The following SMC1B variants were observed in gnomAD, a reference collection of about 807,000 sequenced individuals.
The protein encoded by SMC1B is structural maintenance of chromosomes 1B, also known as structural maintenance of chromosomes protein 1B.
Under a neutral mutation model 157.9 loss-of-function variants are expected in SMC1B, and 60 were observed. The ratio of observed to expected loss-of-function variants is 0.38; its 90% CI spans 0.31 to 0.47. The LOEUF (loss-of-function observed/expected upper bound fraction) is 0.47, where lower values mean the gene tolerates loss of function less well. SMC1B is among the 20% of genes least tolerant of loss of function. The pLI, the probability that SMC1B is intolerant of heterozygous loss-of-function variation, is 0.99. For missense variants in SMC1B, 1,165 were observed against 1,426.2 expected (o/e 0.82, Z 2.95); for synonymous variants, 445 against 483.0 (o/e 0.92, Z 1.03).
At chr22:45,368,294 A>G (rs1163275161) in intron 15 of SMC1B, among the ~76,000 whole-genome samples, 1 of 152,050 alleles carries the variant, frequency 6.6e-6, no homozygotes, top group African/African-American at 2.4e-5. Flanking sequence ...AGATTTCCTG[A>G]TACAGAACCA....
intron 4 of SMC1B, 91 bp from the exon 5 acceptor site, chr22:45,402,662 A>G: frequency 1.2e-6 from 1 of 845,378 alleles, no homozygotes; most frequent in South Asian, 1.6e-5. Context: ...CAAATTAACT[A>G]ATGAATGTTT....
In SMC1B at chr22:45,358,138, G is replaced by A. The variant is rs1180486434; in HGVS notation, c.2961+559C>T. Among the ~76,000 whole-genome samples, 4 of 152,306 alleles carry A rather than the reference G, an allele frequency of 2.6e-5. No individual in the cohort carries two copies. The East Asian group carries it at 5.8e-4, about 22-fold the overall frequency. On this transcript the variant is annotated intron_variant, in intron 19 of 24. Transcript: ENST00000357450. Reference sequence around the variant, plus strand: ...CTGGGAGGGTGACATGCCCGGAGAAGGTGTGAGAGAGGGCATGGACCCTTT... The same window carrying A: ...CTGGGAGGGTGACATGCCCGGAGAAAGTGTGAGAGAGGGCATGGACCCTTT...
At chr22:45,351,902 T>G (rs923884588) in intron 22 of SMC1B, among the ~76,000 whole-genome samples, 16 of 152,232 alleles carry the variant, frequency 1.1e-4, no homozygotes, top group African/African-American at 3.4e-4. Flanking sequence ...ATAAGGAGAT[T>G]AAATACTTTT....
At chr22:45,396,570 G>T (rs1393407458) in intron 6 of SMC1B, 84 bp from the exon 7 acceptor site, 3 of 1,178,456 alleles carry the variant, frequency 2.5e-6, no homozygotes, top group Admixed American at 2.7e-5. Context: ...TGTACTAGAA[G>T]ATAATTAATC....
At chr22:45,353,291 A>T (rs1289514542) in intron 21 of SMC1B, among the ~76,000 whole-genome samples, 1 of 7,796 alleles carries the variant, frequency 1.3e-4, no homozygotes, top group African/African-American at 3.3e-4. Flanking sequence ...AGAAAGAAAG[A>T]AAAAAAAAAA....
At chr22:45,352,374 A>G in intron 22 of SMC1B, 77 bp downstream of exon 22, 2 of 1,306,542 alleles carry the variant, frequency 1.5e-6, no homozygotes, top group Non-Finnish European at 2.1e-6. Context: ...TAAAGACAAT[A>G]GTTAATATAT....
At chr22:45,382,528 T>A (rs1183132963) in intron 12 of SMC1B, among the ~76,000 whole-genome samples, 1 of 152,206 alleles carries the variant, frequency 6.6e-6, no homozygotes. Context: ...ATGTTCTATG[T>A]CATGAGTGCA....
At chr22:45,360,947 C>T (rs2086715479) in intron 17 of SMC1B, among the ~76,000 whole-genome samples, 1 of 149,580 alleles carries the variant, frequency 6.7e-6, no homozygotes, top group African/African-American at 2.5e-5. Context: ...TCATGGCAGA[C>T]ACACAAGCTA....
chr22:45,353,213 G>A (rs1330389335), intron 21 of SMC1B, among the ~76,000 whole-genome samples: 2 of 141,364 alleles, frequency 1.4e-5, no homozygotes, highest in African/African-American at 2.7e-5. Flanking sequence ...AGTGAGCCGA[G>A]ATCGCACCAC....
chr22:45,387,969 T>C (rs1039464985), intron 10 of SMC1B, among the ~76,000 whole-genome samples: 3 of 150,788 alleles, frequency 2.0e-5, no homozygotes, highest in Non-Finnish European at 4.4e-5. Context: ...GAGGCGGAGG[T>C]TGCAGTGAGC....
chr22:45,402,940 A>C (rs929752785), intron 4 of SMC1B, among the ~76,000 whole-genome samples: 1 of 152,218 alleles, frequency 6.6e-6, no homozygotes, highest in Non-Finnish European at 1.5e-5. Context: ...AGGTGCTAGT[A>C]ACTTTAAATT....
At chr22:45,401,499 A>G (rs1240125440) in intron 5 of SMC1B, among the ~76,000 whole-genome samples, 1 of 152,236 alleles carries the variant, frequency 6.6e-6, no homozygotes, top group African/African-American at 2.4e-5. Flanking sequence ...GCTGGCAAAC[A>G]TGGCGCCAGC....
intron 1 of SMC1B, 145 bp downstream of exon 1, chr22:45,413,314 G>A (rs139814745): frequency 0.045 from 27,584 of 618,286 alleles, 748 homozygotes; most frequent in Non-Finnish European, 0.059. Context: ...GCCAGGCCGG[G>A]ATCCGGTCGC....
chr22:45,366,366 G>C (rs1445374219), intron 15 of SMC1B, among the ~76,000 whole-genome samples: 3 of 152,022 alleles, frequency 2.0e-5, no homozygotes, highest in Non-Finnish European at 4.4e-5. Context: ...CATTGTAATA[G>C]GCAGAATTAT....
intron 6 of SMC1B, among the ~76,000 whole-genome samples, chr22:45,397,787 G>A (rs1366597454): frequency 6.6e-6 from 1 of 152,128 alleles, no homozygotes; most frequent in Non-Finnish European, 1.5e-5. Context: ...GCTACACTGG[G>A]GGAGAAACCA....
chr22:45,383,514 A>G lies in SMC1B; in HGVS notation c.2011T>C (p.Leu671=), dbSNP rs373701206. ...CTTCGTCTGTCTCTTAGATTCTTTA[A>G]CTCTTTCTCATCCCAGCATCTAGCC... is the stretch of plus-strand genomic sequence containing the variant. The part of the protein sequence containing the change: ...YKARCWDEKE[L]KNLRDRRSQK... The change falls in exon 12 of 25, where the codon TTA becomes CTA. Residue 671 remains leucine, a synonymous_variant. Transcript: ENST00000357450. The G allele has an allele frequency of 6.2e-7, 1 of 1,609,860 alleles. No homozygotes were observed.
chr22:45,398,895 C>T (rs954285783), intron 6 of SMC1B, among the ~76,000 whole-genome samples, 200 bp downstream of exon 6: 11 of 152,012 alleles, frequency 7.2e-5, no homozygotes, highest in African/African-American at 2.2e-4. Flanking sequence ...AGTGACAGAG[C>T]GAGACCCTCT....
chr22:45,408,807 T>C lies in SMC1B; in HGVS notation c.201A>G (p.Gly67=), dbSNP rs759367890. The change falls in exon 2 of 25, where the codon GGA becomes GGG. Residue 67 remains glycine, a synonymous_variant. Transcript: ENST00000357450. ...RVKNIQELIH[G]AHIGKPISSS... ...AAGAAATAGGTTTTCCAATATGTGCTCCATGAATGAGTTCTTGAATATTTT... is the reference window on the plus strand; with the variant it reads ...AAGAAATAGGTTTTCCAATATGTGCCCCATGAATGAGTTCTTGAATATTTT... 6.3e-7 allele frequency: 1 copy of C among 1,578,522 alleles called. No individual in the cohort carries two copies. Among genetic ancestry groups the C allele is most frequent in the Non-Finnish European group, 8.6e-7 (1 of 1,165,444 alleles).
At chr22:45,358,053 T>G (rs2086686417) in intron 19 of SMC1B, among the ~76,000 whole-genome samples, 1 of 152,120 alleles carries the variant, frequency 6.6e-6, no homozygotes, top group African/African-American at 2.4e-5. Flanking sequence ...GAACCTCCCA[T>G]AAGAATCCCT....
Sources: allele counts gnomAD v4.1 joint callset (sites outside exome capture counted in the v4.1 genomes callset), GRCh38; gene constraint gnomAD v4.1.1; transcripts MANE v1.5; gene names NCBI Gene and HGNC (gene_info 2026-07-23, HGNC 2026-07-21).